Variants in DOCK4 observed in about 807,000 individuals in gnomAD.
The protein encoded by DOCK4 is dedicator of cytokinesis 4, also known as dedicator of cytokinesis protein 4.
In DOCK4, 97 loss-of-function variants were observed where a neutral mutation model predicts 268.1. That is an observed-to-expected ratio of 0.36 (90% CI 0.31 to 0.43). The LOEUF (loss-of-function observed/expected upper bound fraction) is 0.43, where lower values mean the gene tolerates loss of function less well. Ranked by LOEUF, DOCK4 falls within the 20% of genes least tolerant of loss-of-function variation. The probability of loss-of-function intolerance (pLI) is 1.00; values close to 1 mark genes in which losing one functional copy is unlikely to be tolerated. For synonymous variants in DOCK4, 954 were observed against 887.2 expected, an observed-to-expected ratio of 1.08 and a Z score of -1.34; for missense variants, 2,145 against 2,455.7, an observed-to-expected ratio of 0.87 and a Z score of 2.67.
chr7:112,088,747 G>A (rs1809348106), intron 1 of DOCK4, among the ~76,000 whole-genome samples: 1 of 152,144 alleles, frequency 6.6e-6, no homozygotes, highest in Non-Finnish European at 1.5e-5. Context: ...GAGTTGCACT[G>A]CTGAGAATGT....
chr7:111,827,315 G>T (rs1299224733), intron 26 of DOCK4, among the ~76,000 whole-genome samples: 1 of 152,186 alleles, frequency 6.6e-6, no homozygotes, highest in East Asian at 1.9e-4. Flanking sequence ...TTCAAATAAA[G>T]ATAAGTCAAA....
At chr7:111,895,091 A>G (rs1239934670) in intron 16 of DOCK4, among the ~76,000 whole-genome samples, 1 of 152,160 alleles carries the variant, frequency 6.6e-6, no homozygotes, top group Non-Finnish European at 1.5e-5. Context: ...TCTCCTTTGC[A>G]AGCTTTCTTT....
chr7:111,732,484 A>G, intron 51 of DOCK4, 197 bp from the exon 52 acceptor site: 1 of 600,812 alleles, frequency 1.7e-6, no homozygotes, highest in South Asian at 2.0e-5. Context: ...GGCACTGCCA[A>G]GATATGGGAG....
chr7:112,147,202 CACAGGTGA>C (rs1478585576), intron 1 of DOCK4, among the ~76,000 whole-genome samples: 1 of 152,168 alleles, frequency 6.6e-6, no homozygotes, highest in Non-Finnish European at 1.5e-5. Flanking sequence ...TAGAAATATA[CACAGGTGA>C]ACAGTAAATT....
chr7:111,896,486 G>GC (rs750840339), intron 15 of DOCK4, among the ~76,000 whole-genome samples: 1,992 of 133,882 alleles, frequency 0.015, 42 homozygotes, highest in African/African-American at 0.035. Context: ...TTTCCACCAA[G>GC]GTTTTTTTTT....
chr7:112,080,964 T>C (rs2135716159), intron 1 of DOCK4, among the ~76,000 whole-genome samples: 1 of 152,260 alleles, frequency 6.6e-6, no homozygotes. Flanking sequence ...AATTGTTCCA[T>C]CTGCTCAACA....
At chr7:111,906,494 A>G (rs1791577837) in intron 13 of DOCK4, among the ~76,000 whole-genome samples, 1 of 152,176 alleles carries the variant, frequency 6.6e-6, no homozygotes, top group Non-Finnish European at 1.5e-5. Context: ...ACCACTAGGA[A>G]CCATGAAGAG....
At chr7:112,134,635 G>A (rs1208882243) in intron 1 of DOCK4, among the ~76,000 whole-genome samples, 1 of 152,180 alleles carries the variant, frequency 6.6e-6, no homozygotes, top group Non-Finnish European at 1.5e-5. Context: ...AGAATGGCGT[G>A]AACCCGGAAG....
intron 12 of DOCK4, 131 bp downstream of exon 12, chr7:111,935,409 G>C (rs767136887): frequency 2.7e-5 from 21 of 765,616 alleles, no homozygotes; most frequent in Non-Finnish European, 4.9e-5. Flanking sequence ...AATGTTCATT[G>C]AGCATTTTTA....
chr7:112,193,983 T>A (rs1017800899), intron 1 of DOCK4, among the ~76,000 whole-genome samples: 1 of 152,046 alleles, frequency 6.6e-6, no homozygotes, highest in Admixed American at 6.6e-5. Flanking sequence ...TCTCTTCTTA[T>A]AAAGACACAA....
At chr7:112,116,668 G>A (rs1266196305) in intron 1 of DOCK4, among the ~76,000 whole-genome samples, 3 of 152,216 alleles carry the variant, frequency 2.0e-5, no homozygotes, top group Non-Finnish European at 4.4e-5. Context: ...AGAGTGAAGA[G>A]CCTGTTCTTT....
At chr7:111,940,616 T>C (rs745753436) in intron 10 of DOCK4, among the ~76,000 whole-genome samples, 8 of 152,186 alleles carry the variant, frequency 5.3e-5, no homozygotes, top group Non-Finnish European at 8.8e-5. Flanking sequence ...AATTCCATAT[T>C]CAAAAAAACT....
chr7:112,072,219 A>C (rs1188185603), intron 1 of DOCK4, among the ~76,000 whole-genome samples: 1 of 125,636 alleles, frequency 8.0e-6, no homozygotes, highest in African/African-American at 3.6e-5. Flanking sequence ...CTCTTTAAAA[A>C]TTCTCACATG....
chr7:111,841,801 T>C (rs1162101566), intron 25 of DOCK4, among the ~76,000 whole-genome samples: 1 of 152,178 alleles, frequency 6.6e-6, no homozygotes. Flanking sequence ...CCTGATTCAC[T>C]GACTTCCTGA....
intron 47 of DOCK4, chr7:111,740,260 C>T (rs574456851): frequency 1.3e-4 from 35 of 279,534 alleles, no homozygotes; most frequent in East Asian, 2.5e-4. Flanking sequence ...CCACCATGCC[C>T]GGCTAATTTT....
chr7:112,041,461 G>A (rs1804349066), intron 1 of DOCK4, among the ~76,000 whole-genome samples: 1 of 152,198 alleles, frequency 6.6e-6, no homozygotes, highest in Admixed American at 6.5e-5. Flanking sequence ...GGTTGGTGGG[G>A]TCTTTGACAA....
At chr7:112,044,642 G>A (rs986681310) in intron 1 of DOCK4, among the ~76,000 whole-genome samples, 1 of 151,820 alleles carries the variant, frequency 6.6e-6, no homozygotes, top group Non-Finnish European at 1.5e-5. Flanking sequence ...CCTACCTTTG[G>A]GTATTAACCT....
At chr7:112,195,700 G>GA (rs531440066) in intron 1 of DOCK4, among the ~76,000 whole-genome samples, 8,723 of 144,342 alleles carry the variant, frequency 0.06, 345 homozygotes, top group Admixed American at 0.13. Flanking sequence ...CCATTTTGGA[G>GA]AAAAAAAAAA....
intron 12 of DOCK4, among the ~76,000 whole-genome samples, chr7:111,916,193 G>A (rs1792571627): frequency 6.6e-6 from 1 of 152,080 alleles, no homozygotes; most frequent in Admixed American, 6.6e-5. Flanking sequence ...ACCCTAGTCT[G>A]GTGGAGCACG....
Sources: gnomAD v4.1 joint callset for allele counts (sites outside exome capture counted in the v4.1 genomes callset) on GRCh38, gnomAD v4.1.1 for gene constraint, MANE v1.5 for transcripts, NCBI Gene and HGNC (gene_info 2026-07-23, HGNC 2026-07-21) for gene names.